NMRK1: variants seen among roughly 807,000 people sequenced by gnomAD.
NMRK1 encodes the protein NRK 1.
Under a neutral mutation model 29.9 loss-of-function variants are expected in NMRK1, and 28 were observed. The observed-to-expected ratio is 0.94, with a 90% CI of 0.69 to 1.28. The LOEUF (loss-of-function observed/expected upper bound fraction) is 1.28. Ranked by LOEUF, NMRK1 falls within the 50% of genes most tolerant of loss-of-function variation. The pLI is 0.00. For synonymous variants in NMRK1, 58 were observed against 73.0 expected, an observed-to-expected ratio of 0.79 and a Z score of 1.05; for missense variants, 218 against 233.1, an observed-to-expected ratio of 0.94 and a Z score of 0.42.
intron 2 of NMRK1, among the ~76,000 whole-genome samples, chr9:75,081,748 A>C (rs530144088): frequency 8.0e-4 from 121 of 152,186 alleles, no homozygotes; most frequent in Non-Finnish European, 1.4e-3. Flanking sequence ...GTGTAATCCC[A>C]CCTCTTTTAC....
At chr9:75,082,524 TTGA>T (rs1824379424) in intron 2 of NMRK1, among the ~76,000 whole-genome samples, 1 of 152,178 alleles carries the variant, frequency 6.6e-6, no homozygotes, top group South Asian at 2.1e-4. Flanking sequence ...TCAGTTGATG[TTGA>T]TGTTTTATTT....
At chr9:75,063,699 G>GA (rs1351631167) in intron 8 of NMRK1, among the ~76,000 whole-genome samples, 2 of 151,688 alleles carry the variant, frequency 1.3e-5, no homozygotes, top group South Asian at 2.1e-4. Flanking sequence ...TGAGATGTGA[G>GA]AAAAAAAACC....
At chr9:75,084,023 G>A (rs553757953) in intron 1 of NMRK1, among the ~76,000 whole-genome samples, 13 of 152,256 alleles carry the variant, frequency 8.5e-5, no homozygotes, top group African/African-American at 2.9e-4. Context: ...TTAAGCCACC[G>A]GCCACTGTTT....
At position 75,077,475 on chromosome 9, in the gene NMRK1, A is replaced by G; in HGVS notation, c.120+15T>C. The G allele has an allele frequency of 6.6e-7, 1 of 1,508,680 alleles. No individual in the cohort carries two copies. The highest frequency in any genetic ancestry group is 9.2e-7 in the Non-Finnish European group (1 of 1,091,616). 93.5% of individuals were successfully genotyped at this position (1,508,680 alleles called of 1,614,324 possible). Reference sequence around the variant, plus strand: ...TTTTGTATTAAATAAATAATTTAAGAAGTTTTATAGATACCTTGAAGAAAT... The same window carrying G: ...TTTTGTATTAAATAAATAATTTAAGGAGTTTTATAGATACCTTGAAGAAAT... On this transcript the variant is annotated intron_variant, in intron 3 of 8. Coordinates refer to ENST00000361092, the MANE Select transcript of NMRK1 (RefSeq NM_017881.3).
At chr9:75,073,091 GT>G (rs1442717579) in intron 4 of NMRK1, among the ~76,000 whole-genome samples, 23 of 152,188 alleles carry the variant, frequency 1.5e-4, no homozygotes, top group African/African-American at 5.1e-4. Flanking sequence ...GATACAATCA[GT>G]TAAGGTGAGG....
At chr9:75,083,554 T>C (rs1393238610) in intron 1 of NMRK1, among the ~76,000 whole-genome samples, 2 of 152,196 alleles carry the variant, frequency 1.3e-5, no homozygotes, top group Non-Finnish European at 1.5e-5. Flanking sequence ...GGCTGGCCTC[T>C]TTCTCCCCTC....
At chr9:75,078,373 C>A in intron 2 of NMRK1, 2 of 1,571,218 alleles carry the variant, frequency 1.3e-6, no homozygotes, top group Non-Finnish European at 1.7e-6. Flanking sequence ...CCATCTCTCT[C>A]CACCTGGGGG....
Position 75,069,070 on chromosome 9 carries a change from C to A in NMRK1, c.422G>T (p.Gly141Val), listed in dbSNP as rs138360599. The A allele has an allele frequency of 6.2e-7, 1 of 1,613,860 alleles. No individual in the cohort carries two copies. Among genetic ancestry groups the A allele is most frequent in the South Asian group, 1.1e-5 (1 of 91,080 alleles). ...TRVYQPPDSP[G>V]YFDGHVWPMY... ...GGGCCACACATGGCCATCAAAGTATCCCGGAGAGTCTGGAGGCTGATAGAC... is the reference window on the plus strand; with the variant it reads ...GGGCCACACATGGCCATCAAAGTATACCGGAGAGTCTGGAGGCTGATAGAC... Residue 141 changes from glycine (G) to valine (V), a missense_variant, in exon 7 of 9, where the codon GGA (glycine) becomes GTA (valine). Coordinates refer to ENST00000361092, the MANE Select transcript of NMRK1 (RefSeq NM_017881.3).
chr9:75,086,294 T>C (rs893568514), intron 1 of NMRK1, among the ~76,000 whole-genome samples: 1 of 152,224 alleles, frequency 6.6e-6, no homozygotes, highest in South Asian at 2.1e-4. Context: ...GCAAGCTTCG[T>C]ACAAACTGTA....
chr9:75,085,837 C>G (rs1268920276), intron 1 of NMRK1, among the ~76,000 whole-genome samples: 1 of 142,002 alleles, frequency 7.0e-6, no homozygotes, highest in African/African-American at 2.6e-5. Flanking sequence ...CTGGGCATAC[C>G]CTATCAGCTA....
chr9:75,066,429 A>G (rs989719212), intron 8 of NMRK1: 2 of 401,398 alleles, frequency 5.0e-6, no homozygotes, highest in African/African-American at 4.1e-5. Flanking sequence ...ACTAAAAAAA[A>G]TCATCAGCAT....
chr9:75,068,530 C>A (rs1001443973), intron 7 of NMRK1, among the ~76,000 whole-genome samples: 1 of 152,202 alleles, frequency 6.6e-6, no homozygotes, highest in African/African-American at 2.4e-5. Flanking sequence ...TCTCCCCAAC[C>A]CATCTCCTTT....
intron 1 of NMRK1, among the ~76,000 whole-genome samples, chr9:75,083,836 A>T (rs1045698505): frequency 6.6e-6 from 1 of 152,250 alleles, no homozygotes; most frequent in African/African-American, 2.4e-5. Flanking sequence ...TTATATAACA[A>T]GAGAAAAAAC....
In NMRK1 at chr9:75,061,480, T is replaced by A. The variant is rs1282500054; in HGVS notation, c.*68A>T. The A allele has an allele frequency of 8.4e-7, 1 of 1,189,738 alleles. No individual in the cohort carries two copies. Among genetic ancestry groups the A allele is most frequent in the Non-Finnish European group, 1.2e-6 (1 of 808,176 alleles). The allele number at this position is 1,189,738 out of a possible 1,614,324, so 73.7% of individuals were successfully genotyped here. A position where few individuals can be genotyped will look rare whatever the true frequency, so the allele number is the denominator to read the frequency against. ...TACCACAGTATACATTGTATCTTGG[T>A]GAAGGTTCTTAAATTACTCCTTGGA... On this transcript the variant is annotated 3_prime_UTR_variant, in exon 9 of 9. Transcript: ENST00000361092.
chr9:75,083,367 C>A (rs866256308), intron 1 of NMRK1, among the ~76,000 whole-genome samples: 1 of 152,148 alleles, frequency 6.6e-6, no homozygotes, highest in South Asian at 2.1e-4. Flanking sequence ...AACAGTTCAA[C>A]GTCAGGTGAC....
chr9:75,062,221 G>T (rs1173740400), intron 8 of NMRK1, among the ~76,000 whole-genome samples: 3 of 152,112 alleles, frequency 2.0e-5, no homozygotes, highest in Non-Finnish European at 4.4e-5. Flanking sequence ...TGAAACACTT[G>T]TAACAACAGT....
rs1463641628 is a variant in NMRK1, at chr9:75,060,785, G to A, written c.*763C>T. The A allele has an allele frequency of 6.6e-6, 1 of 151,848 alleles. No homozygotes were observed. The highest frequency in any genetic ancestry group is 1.5e-5 in the Non-Finnish European group (1 of 67,984). 9.4% of individuals were successfully genotyped at this position (151,848 alleles called of 1,614,324 possible). A position where few individuals can be genotyped will look rare whatever the true frequency, so the allele number is the denominator to read the frequency against. On this transcript the variant is annotated 3_prime_UTR_variant, in exon 9 of 9. Coordinates refer to ENST00000361092, the MANE Select transcript of NMRK1 (RefSeq NM_017881.3). ...TGACAAAAACAAAATGAACCACGAG[G>A]GGGGAGAAAGAAACCAGAAACCCTA...
intron 1 of NMRK1, among the ~76,000 whole-genome samples, chr9:75,084,387 T>G (rs1294168484): frequency 6.6e-6 from 1 of 152,268 alleles, no homozygotes; most frequent in African/African-American, 2.4e-5. Context: ...GGGCTATTGT[T>G]GTCTGACTTC....
In NMRK1 at chr9:75,083,130, A is replaced by T; in HGVS notation, c.-15T>A. 1 of 1,568,514 alleles carries T rather than the reference A, an allele frequency of 6.4e-7. No individual in the cohort carries two copies. Among genetic ancestry groups the T allele is most frequent in the Non-Finnish European group, 8.8e-7 (1 of 1,138,530 alleles). ...AATGTTTTCATAATTAGCTTTGAAA[A>T]TCACAGCTTCCTAATATTTCCTAAA... On this transcript the variant is annotated 5_prime_UTR_variant, in exon 2 of 9. Transcript: ENST00000361092.
Sources: gnomAD v4.1 joint callset for allele counts (sites outside exome capture counted in the v4.1 genomes callset) on GRCh38, gnomAD v4.1.1 for gene constraint, MANE v1.5 for transcripts, NCBI Gene and HGNC (gene_info 2026-07-23, HGNC 2026-07-21) for gene names.